Variants in NOL4 observed in about 807,000 individuals in gnomAD.
NOL4 encodes the protein nucleolar protein 4, also known as cancer/testis antigen 125.
A neutral mutation model predicts 75.9 loss-of-function variants in NOL4; 17 were observed. The observed-to-expected ratio is 0.22, with a 90% CI of 0.15 to 0.34. The LOEUF (loss-of-function observed/expected upper bound fraction) is 0.34, where lower values mean the gene tolerates loss of function less well. Ranked by LOEUF, NOL4 falls within the 10% of genes least tolerant of loss-of-function variation. NOL4 has a pLI of 1.00. For synonymous variants in NOL4, 292 were observed against 289.9 expected, an observed-to-expected ratio of 1.01 and a Z score of -0.07; for missense variants, 614 against 793.5, an observed-to-expected ratio of 0.77 and a Z score of 2.72.
At chr18:33,958,152 T>C (rs953473425) in intron 7 of NOL4, 87 bp downstream of exon 7, 1 of 1,231,452 alleles carries the variant, frequency 8.1e-7, no homozygotes, top group Non-Finnish European at 1.1e-6. Context: ...CAAACATGTC[T>C]CTAAAATATC....
intron 1 of NOL4, among the ~76,000 whole-genome samples, chr18:34,150,972 C>T (rs145107595): frequency 0.012 from 1,830 of 151,716 alleles, 17 homozygotes; most frequent in Admixed American, 0.022. Context: ...AGAAGATGCT[C>T]GACATCACAT....
At chr18:34,050,896 AT>A (rs2076598975) in intron 5 of NOL4, among the ~76,000 whole-genome samples, 1 of 151,910 alleles carries the variant, frequency 6.6e-6, no homozygotes, top group Admixed American at 6.6e-5. Context: ...GTTGAGAACA[AT>A]TTTTTTCTAA....
intron 1 of NOL4, among the ~76,000 whole-genome samples, chr18:34,176,516 G>A (rs1242200309): frequency 6.6e-6 from 1 of 152,058 alleles, no homozygotes; most frequent in African/African-American, 2.4e-5. Flanking sequence ...ACTGAATTGT[G>A]TTCCCCTCAA....
intron 2 of NOL4, among the ~76,000 whole-genome samples, chr18:34,106,540 A>G (rs2079287626): frequency 6.6e-6 from 1 of 152,020 alleles, no homozygotes; most frequent in Admixed American, 6.6e-5. Flanking sequence ...TATTATATTG[A>G]CAGAGTAAGA....
At chr18:34,012,596 A>G (rs1224205581) in intron 6 of NOL4, among the ~76,000 whole-genome samples, 21 of 151,820 alleles carry the variant, frequency 1.4e-4, no homozygotes, top group Admixed American at 1.3e-3. Context: ...TAAGCTCAAA[A>G]TTTACCCTAG....
intron 1 of NOL4, among the ~76,000 whole-genome samples, chr18:34,134,352 A>T (rs34574931): frequency 0.19 from 29,284 of 151,742 alleles, 3,015 homozygotes; most frequent in Middle Eastern, 0.24. Context: ...AAATATAATT[A>T]AAAAAGAGAC....
intron 2 of NOL4, among the ~76,000 whole-genome samples, chr18:34,106,098 T>C (rs1701610579): frequency 1.3e-5 from 2 of 152,066 alleles, no homozygotes; most frequent in Non-Finnish European, 2.9e-5. Flanking sequence ...TAGGAATAAA[T>C]GAGTTGCAAA....
chr18:33,957,177 G>T (rs1208700242), intron 8 of NOL4, 149 bp downstream of exon 8: 1 of 576,678 alleles, frequency 1.7e-6, no homozygotes, highest in Non-Finnish European at 3.0e-6. Flanking sequence ...AAGGAGAAGG[G>T]GAAAAAACAA....
chr18:34,066,065 A>G (rs2077263029), intron 5 of NOL4, among the ~76,000 whole-genome samples: 1 of 151,948 alleles, frequency 6.6e-6, no homozygotes, highest in African/African-American at 2.4e-5. Flanking sequence ...GCAGGTTCAC[A>G]GGATTGATTT....
chr18:34,005,260 A>G (rs1224824976), intron 6 of NOL4, among the ~76,000 whole-genome samples: 1 of 151,796 alleles, frequency 6.6e-6, no homozygotes, highest in African/African-American at 2.4e-5. Context: ...CATCTACTCC[A>G]TCTCTCTCTG....
chr18:34,054,671 T>C (rs964606615), intron 5 of NOL4, among the ~76,000 whole-genome samples: 1 of 151,810 alleles, frequency 6.6e-6, no homozygotes, highest in Non-Finnish European at 1.5e-5. Flanking sequence ...AATTATATCT[T>C]TTGATCAGGG....
At chr18:34,151,099 G>T (rs940128862) in intron 1 of NOL4, among the ~76,000 whole-genome samples, 1 of 151,754 alleles carries the variant, frequency 6.6e-6, no homozygotes, top group South Asian at 2.1e-4. Flanking sequence ...CAAAAAGAAC[G>T]TTAATTGTGC....
intron 1 of NOL4, among the ~76,000 whole-genome samples, chr18:34,215,376 G>A (rs1170869745): frequency 6.6e-6 from 1 of 152,162 alleles, no homozygotes; most frequent in Non-Finnish European, 1.5e-5. Flanking sequence ...AGGTACTGGA[G>A]ATTAAATCTT....
At chr18:34,194,885 G>A (rs573936999) in intron 1 of NOL4, among the ~76,000 whole-genome samples, 39 of 151,954 alleles carry the variant, frequency 2.6e-4, no homozygotes, top group South Asian at 8.3e-4. Context: ...TTAGCCGGGC[G>A]TGGTAGTACA....
intron 5 of NOL4, among the ~76,000 whole-genome samples, chr18:34,055,906 T>C (rs755885453): frequency 2.0e-5 from 3 of 152,160 alleles, no homozygotes; most frequent in African/African-American, 7.2e-5. Context: ...TCTCTCTAAA[T>C]AATTTTTCAA....
intron 6 of NOL4, among the ~76,000 whole-genome samples, chr18:34,002,754 TTGC>T (rs2073803667): frequency 2.6e-5 from 4 of 152,114 alleles, no homozygotes; most frequent in Non-Finnish European, 5.9e-5. Flanking sequence ...AAATAAGAAT[TTGC>T]AATACTCATA....
chr18:33,990,743 AG>A (rs1258106579), intron 6 of NOL4, among the ~76,000 whole-genome samples: 1 of 151,882 alleles, frequency 6.6e-6, no homozygotes, highest in African/African-American at 2.4e-5. Flanking sequence ...CTTATCACCT[AG>A]CCCACAGTCT....
At chr18:34,052,245 T>G (rs2076653105) in intron 5 of NOL4, among the ~76,000 whole-genome samples, 1 of 151,228 alleles carries the variant, frequency 6.6e-6, no homozygotes, top group Non-Finnish European at 1.5e-5. Context: ...TTCCTTTAGT[T>G]AAAAAGCATG....
chr18:33,985,642 A>G (rs189541561), intron 6 of NOL4, among the ~76,000 whole-genome samples: 1 of 152,208 alleles, frequency 6.6e-6, no homozygotes, highest in East Asian at 1.9e-4. Context: ...AATATTTTCT[A>G]TTATAGCAAA....
Sources: allele counts gnomAD v4.1 joint callset (sites outside exome capture counted in the v4.1 genomes callset), GRCh38; gene constraint gnomAD v4.1.1; transcripts MANE v1.5; gene names NCBI Gene and HGNC (gene_info 2026-07-23, HGNC 2026-07-21).